The following PATJ variants were observed in gnomAD, a reference collection of about 807,000 sequenced individuals.
PATJ encodes PATJ crumbs cell polarity complex component.
In PATJ, 190 loss-of-function variants were observed where a neutral mutation model predicts 224.9. That is an observed-to-expected ratio of 0.84 (90% CI 0.75 to 0.95). The LOEUF is 0.95. PATJ is among the 40% of genes least tolerant of loss of function. PATJ has a pLI of 0.00. For missense variants in PATJ, 2,121 were observed against 2,270.3 expected (o/e 0.93, Z 1.34); for synonymous variants, 769 against 820.3 (o/e 0.94, Z 1.07).
At chr1:61,864,013 A>G (rs1250110471) in intron 19 of PATJ, among the ~76,000 whole-genome samples, 1 of 152,224 alleles carries the variant, frequency 6.6e-6, no homozygotes, top group Non-Finnish European at 1.5e-5. Flanking sequence ...TCACCTTGCC[A>G]AGGGCAGATT....
chr1:61,755,056 A>C (rs1645555756), intron 1 of PATJ, among the ~76,000 whole-genome samples: 1 of 151,816 alleles, frequency 6.6e-6, no homozygotes, highest in African/African-American at 2.4e-5. Flanking sequence ...TCCCTGGGGG[A>C]TTACACTTTG....
At chr1:62,093,532 A>G (rs909544318) in intron 33 of PATJ, among the ~76,000 whole-genome samples, 7 of 152,196 alleles carry the variant, frequency 4.6e-5, no homozygotes, top group Non-Finnish European at 8.8e-5. Flanking sequence ...GTTATTGCTT[A>G]AGTCATATAT....
chr1:61,873,697 G>A (rs1666966935), intron 20 of PATJ, among the ~76,000 whole-genome samples: 1 of 152,198 alleles, frequency 6.6e-6, no homozygotes, highest in Non-Finnish European at 1.5e-5. Flanking sequence ...GGCAGATTAG[G>A]AAGGGTCCCT....
chr1:61,930,717 CT>C lies in PATJ; in HGVS notation c.3670+2895del, dbSNP rs1030626980. On this transcript the variant is annotated intron_variant, in intron 27 of 43. Transcript: ENST00000642238. ...CACCAAGCCTGGCTAATTTTTTTTT[CT>C]TTTTTTGAGATGGAGTTTTGCTCTT... Among the ~76,000 whole-genome samples the C allele has an allele frequency of 4.1e-4, 62 of 151,524 alleles. 1 individual carries two copies. The highest frequency in any genetic ancestry group is 1.5e-3 in the African/African-American group (60 of 41,364).
chr1:61,840,895 T>C (rs974391487), intron 17 of PATJ, among the ~76,000 whole-genome samples: 4 of 152,122 alleles, frequency 2.6e-5, no homozygotes, highest in Non-Finnish European at 5.9e-5. Flanking sequence ...CCACTTAAAA[T>C]GGATCCTTTC....
At chr1:61,850,784 A>G (rs1662693837) in intron 17 of PATJ, among the ~76,000 whole-genome samples, 1 of 152,246 alleles carries the variant, frequency 6.6e-6, no homozygotes, top group South Asian at 2.1e-4. Flanking sequence ...CTCACCAGGA[A>G]AGTGGGGATA....
chr1:61,977,229 A>G (rs1048015474), intron 27 of PATJ, among the ~76,000 whole-genome samples: 1 of 152,080 alleles, frequency 6.6e-6, no homozygotes, highest in African/African-American at 2.4e-5. Context: ...CTGGGATTAC[A>G]GGCGTGTGCC....
chr1:61,869,638 A>G (rs1176705784), intron 20 of PATJ, among the ~76,000 whole-genome samples: 1 of 152,236 alleles, frequency 6.6e-6, no homozygotes, highest in Non-Finnish European at 1.5e-5. Context: ...GAAGCCAGAT[A>G]GTCCCCTGAC....
chr1:62,097,401 CAT>C (rs1314054370), intron 33 of PATJ, among the ~76,000 whole-genome samples: 2 of 152,188 alleles, frequency 1.3e-5, no homozygotes, highest in African/African-American at 2.4e-5. Flanking sequence ...ACAAAAGTAG[CAT>C]TGTGTGACTT....
At chr1:61,878,253 G>C (rs1387283775) in intron 21 of PATJ, among the ~76,000 whole-genome samples, 1 of 152,112 alleles carries the variant, frequency 6.6e-6, no homozygotes, top group Non-Finnish European at 1.5e-5. Flanking sequence ...CCTCAGTGAG[G>C]GGGAGGCAGA....
intron 9 of PATJ, among the ~76,000 whole-genome samples, chr1:61,791,787 T>A (rs962221772): frequency 5.3e-5 from 8 of 152,166 alleles, no homozygotes; most frequent in African/African-American, 1.7e-4. Flanking sequence ...TTTCTGTATA[T>A]GTTTCATATT....
chr1:61,950,265 T>C (rs1679447485), intron 27 of PATJ, among the ~76,000 whole-genome samples: 1 of 152,182 alleles, frequency 6.6e-6, no homozygotes, highest in African/African-American at 2.4e-5. Flanking sequence ...TTTTTGACAG[T>C]GATGGCGTTT....
intron 17 of PATJ, among the ~76,000 whole-genome samples, chr1:61,834,671 C>CT (rs1659884256): frequency 6.6e-6 from 1 of 152,098 alleles, no homozygotes; most frequent in African/African-American, 2.4e-5. Context: ...AAAATCAATT[C>CT]TTTTTTAATA....
At chr1:62,102,824 C>T (rs1662352107) in intron 33 of PATJ, among the ~76,000 whole-genome samples, 1 of 139,344 alleles carries the variant, frequency 7.2e-6, no homozygotes, top group South Asian at 2.3e-4. Context: ...CATGCCACTG[C>T]ACTCCAGCCT....
intron 27 of PATJ, 119 bp downstream of exon 27, chr1:61,927,948 C>T: frequency 1.4e-6 from 1 of 702,846 alleles, no homozygotes; most frequent in Non-Finnish European, 2.3e-6. Flanking sequence ...TGAATGTATG[C>T]TAAAAAATCA....
intron 41 of PATJ, among the ~76,000 whole-genome samples, chr1:62,138,661 C>G (rs962962606): frequency 7.3e-4 from 111 of 152,140 alleles, no homozygotes; most frequent in African/African-American, 2.6e-3. Flanking sequence ...CCACCTCCCC[C>G]ATGTTGGAGG....
rs746083119 is a variant in PATJ at position 61,990,154 on chromosome 1, A to T, written c.3671-14A>T. 6.4e-7 allele frequency: 1 copy of T among 1,564,158 alleles called. No individual in the cohort carries two copies. ...AAGCTACTCTATTTAATTTTAAAAA[A>T]ATTCTTTTAATAGAAAAAATCAGAC... On this transcript the variant is annotated splice_polypyrimidine_tract_variant and intron_variant, in intron 27 of 43. Coordinates refer to ENST00000642238, the MANE Select transcript of PATJ (RefSeq NM_001350145.3).
rs1669974602 is a variant in PATJ at position 62,163,420 on chromosome 1, A to G, written c.*2366A>G. ...CAAATAAAACTTGAAAATGCACCTT[A>G]AAAATATATATACATATAATAGTTT... is the stretch of plus-strand genomic sequence containing the variant. On this transcript the variant is annotated 3_prime_UTR_variant, in exon 44 of 44. Transcript: ENST00000642238. 6.6e-6 allele frequency: 1 copy of G among 152,636 alleles called. No homozygotes were observed. The highest frequency in any genetic ancestry group is 2.4e-5 in the African/African-American group (1 of 41,456). 9.5% of individuals were successfully genotyped at this position (152,636 alleles called of 1,614,324 possible).
At chr1:61,993,160 T>C (rs1318269930) in intron 28 of PATJ, among the ~76,000 whole-genome samples, 1 of 152,080 alleles carries the variant, frequency 6.6e-6, no homozygotes, top group Middle Eastern at 3.2e-3. Context: ...TAATTGGGAG[T>C]TCCCATTAAC....
Sources: gnomAD v4.1 joint callset for allele counts (sites outside exome capture counted in the v4.1 genomes callset) on GRCh38, gnomAD v4.1.1 for gene constraint, MANE v1.5 for transcripts, NCBI Gene and HGNC (gene_info 2026-07-23, HGNC 2026-07-21) for gene names.